EFHC1: variants seen among roughly 807,000 people sequenced by gnomAD.
EFHC1 encodes EF-hand domain-containing protein 1.
In EFHC1, 53 loss-of-function variants were observed where a neutral mutation model predicts 69.9. The observed-to-expected ratio is 0.76, with a 90% CI of 0.61 to 0.95. EFHC1 has a LOEUF of 0.95. Ranked by LOEUF, EFHC1 falls within the 40% of genes least tolerant of loss-of-function variation. The pLI is 0.00. For missense variants in EFHC1, 739 were observed against 798.7 expected (o/e 0.93, Z 0.90); for synonymous variants, 256 against 278.4 (o/e 0.92, Z 0.80).
At chr6:52,441,036 C>G (rs1473394341) in intron 3 of EFHC1, among the ~76,000 whole-genome samples, 1 of 151,922 alleles carries the variant, frequency 6.6e-6, no homozygotes, top group African/African-American at 2.4e-5. Flanking sequence ...CATATTGGAC[C>G]TTTGTCAGAT....
At chr6:52,447,544 G>A (rs978902301) in intron 3 of EFHC1, among the ~76,000 whole-genome samples, 2 of 152,188 alleles carry the variant, frequency 1.3e-5, no homozygotes, top group Non-Finnish European at 2.9e-5. Flanking sequence ...TGTTATTACT[G>A]ATTGTCTGAA....
At chr6:52,443,423 C>G (rs1764709032) in intron 3 of EFHC1, among the ~76,000 whole-genome samples, 1 of 152,120 alleles carries the variant, frequency 6.6e-6, no homozygotes, top group South Asian at 2.1e-4. Flanking sequence ...GGTTTTAGGT[C>G]TAACATTTAA....
At chr6:52,442,574 C>T (rs1261422680) in intron 3 of EFHC1, among the ~76,000 whole-genome samples, 1 of 152,122 alleles carries the variant, frequency 6.6e-6, no homozygotes, top group East Asian at 1.9e-4. Context: ...CGATAGTTTG[C>T]TCAGAATGAT....
At chr6:52,440,586 C>T (rs556851825) in intron 3 of EFHC1, among the ~76,000 whole-genome samples, 2 of 152,150 alleles carry the variant, frequency 1.3e-5, no homozygotes, top group South Asian at 2.1e-4. Context: ...AATAGTGCTG[C>T]GATGAACATA....
intron 2 of EFHC1, among the ~76,000 whole-genome samples, chr6:52,435,734 C>T (rs552631124): frequency 6.6e-6 from 1 of 152,332 alleles, no homozygotes; most frequent in East Asian, 1.9e-4. Flanking sequence ...CCTTCCTCTG[C>T]TTCTGTTATT....
chr6:52,445,283 T>C (rs1308296911), intron 3 of EFHC1, among the ~76,000 whole-genome samples: 1 of 151,160 alleles, frequency 6.6e-6, no homozygotes, highest in African/African-American at 2.4e-5. Context: ...TTTGGTTTTT[T>C]AATTAATTAA....
At chr6:52,443,699 T>C (rs1269504996) in intron 3 of EFHC1, among the ~76,000 whole-genome samples, 3 of 152,358 alleles carry the variant, frequency 2.0e-5, no homozygotes, top group Admixed American at 1.3e-4. Flanking sequence ...AGCCTTGTAC[T>C]ATAGTTTGAA....
At chr6:52,425,705 GC>G (rs1255170318) in intron 2 of EFHC1, among the ~76,000 whole-genome samples, 1 of 152,128 alleles carries the variant, frequency 6.6e-6, no homozygotes, top group African/African-American at 2.4e-5. Flanking sequence ...GTAGAGAGAA[GC>G]TAAATGCATG....
intron 3 of EFHC1, among the ~76,000 whole-genome samples, chr6:52,438,834 T>C (rs1166313629): frequency 6.6e-6 from 1 of 152,188 alleles, no homozygotes; most frequent in Non-Finnish European, 1.5e-5. Context: ...CATAGCTGAA[T>C]AATTTGGTAA....
Position 52,466,500 on chromosome 6 carries a change from A to G in EFHC1, c.1137+1385A>G, listed in dbSNP as rs973088395. On this transcript the variant is annotated intron_variant, in intron 6 of 10. Coordinates refer to ENST00000371068, the MANE Select transcript of EFHC1 (RefSeq NM_018100.4). Reference sequence around the variant, plus strand: ...CTCCAGGTAGGGCAAAAAGCCTTTCATCTCTATTCCTGGGGTATTCTCTGC... The same window carrying G: ...CTCCAGGTAGGGCAAAAAGCCTTTCGTCTCTATTCCTGGGGTATTCTCTGC... Among the ~76,000 whole-genome samples, 13 of 152,286 alleles carry G rather than the reference A, an allele frequency of 8.5e-5. No homozygotes were observed. The East Asian group carries it at 1.4e-3, about 16-fold the overall frequency.
chr6:52,467,531 T>TC (rs1004646769), intron 6 of EFHC1, among the ~76,000 whole-genome samples: 11 of 152,108 alleles, frequency 7.2e-5, no homozygotes, highest in African/African-American at 2.7e-4. Context: ...ATACCTCTGT[T>TC]CCCCATCCTT....
intron 3 of EFHC1, among the ~76,000 whole-genome samples, chr6:52,440,549 GGTTGATTCCAT>G (rs1464949660): frequency 6.6e-6 from 1 of 152,088 alleles, no homozygotes; most frequent in Non-Finnish European, 1.5e-5. Flanking sequence ...TGGGCATTCA[GGTTGATTCCAT>G]GTCTTTGCTA....
At chr6:52,460,790 C>T (rs144938783) in intron 5 of EFHC1, among the ~76,000 whole-genome samples, 307 of 152,236 alleles carry the variant, frequency 2.0e-3, no homozygotes, top group Middle Eastern at 0.01. Flanking sequence ...AATACATTTC[C>T]AGGCAAACAA....
intron 9 of EFHC1, chr6:52,487,397 T>C (rs1396346933): frequency 6.6e-6 from 1 of 152,206 alleles, no homozygotes; most frequent in East Asian, 1.9e-4. Context: ...GGTTGGCATT[T>C]CTCAAGGTCC....
chr6:52,429,434 A>G lies in EFHC1; in HGVS notation c.285+5267A>G, dbSNP rs188201195. Among the ~76,000 whole-genome samples, 719 of 152,188 alleles carry G rather than the reference A, an allele frequency of 4.7e-3. 7 individuals are homozygous for G. The highest frequency in any genetic ancestry group is 0.016 in the African/African-American group (666 of 41,522). Reference sequence around the variant, plus strand: ...GTGGCTTGCCAATTATCCCAGCACAATTTGTTGAATAGGGTGTCCTTTCCT... The same window carrying G: ...GTGGCTTGCCAATTATCCCAGCACAGTTTGTTGAATAGGGTGTCCTTTCCT... On this transcript the variant is annotated intron_variant, in intron 2 of 10. Transcript: ENST00000371068.
At position 52,437,026 on chromosome 6, in the gene EFHC1, G is replaced by T. The variant is rs549942196; in HGVS notation, c.286-1278G>T. ...TGATGATGCTCCCCAGAGGACCAAT[G>T]GTTTGCTCAATGTAATATATATGTT... On this transcript the variant is annotated intron_variant, in intron 2 of 10. Coordinates refer to ENST00000371068, the MANE Select transcript of EFHC1 (RefSeq NM_018100.4). 2.6e-5 allele frequency among the ~76,000 whole-genome samples: 4 copies of T among 152,238 alleles called. No individual in the cohort carries two copies. In the South Asian group the frequency reaches 8.3e-4, roughly 32 times the overall value.
At chr6:52,435,327 C>T (rs977329513) in intron 2 of EFHC1, among the ~76,000 whole-genome samples, 1 of 152,154 alleles carries the variant, frequency 6.6e-6, no homozygotes, top group African/African-American at 2.4e-5. Context: ...AGTTGCTTGG[C>T]CAAAAATGTT....
At chr6:52,443,824 G>A (rs181451922) in intron 3 of EFHC1, among the ~76,000 whole-genome samples, 88 of 152,312 alleles carry the variant, frequency 5.8e-4, no homozygotes, top group African/African-American at 1.7e-3. Context: ...ATTCTGTGAA[G>A]AAAGTCATTG....
Position 52,469,234 on chromosome 6 carries a change from GTATTTTC to G in EFHC1, c.1138-96_1138-90del. On this transcript the variant is annotated intron_variant, in intron 6 of 10. Coordinates refer to ENST00000371068, the MANE Select transcript of EFHC1 (RefSeq NM_018100.4). ...TTATGTAGAAAATATATTTGCATAA[GTATTTTC>G]TAGAGTTTTTTCTTTAAACTTATAG... The G allele has an allele frequency of 2.8e-6, 4 of 1,425,016 alleles. No homozygotes were observed. The Admixed American group carries it at 7.4e-5, about 26-fold the overall frequency. The allele number at this position is 1,425,016 out of a possible 1,614,324, so 88.3% of individuals were successfully genotyped here.
Sources: gnomAD v4.1 joint callset for allele counts (sites outside exome capture counted in the v4.1 genomes callset) on GRCh38, gnomAD v4.1.1 for gene constraint, MANE v1.5 for transcripts, NCBI Gene and HGNC (gene_info 2026-07-23, HGNC 2026-07-21) for gene names.